The following ENOX1 variants were observed in gnomAD, a reference collection of about 807,000 sequenced individuals.
ENOX1 encodes the protein candidate growth-related and time keeping constitutive hydroquinone (NADH) oxidase.
In ENOX1, 42 loss-of-function variants were observed where a neutral mutation model predicts 82.5. The ratio of observed to expected loss-of-function variants is 0.51; its 90% CI spans 0.40 to 0.66. The LOEUF is 0.66. Among genes scored for constraint, ENOX1 ranks in the 30% least tolerant of loss-of-function variants. ENOX1 has a pLI of 0.00. For missense variants in ENOX1, 608 were observed against 811.6 expected (o/e 0.75, Z 3.05); for synonymous variants, 271 against 282.2 (o/e 0.96, Z 0.40).
chr13:43,375,460 C>A (rs535808334), intron 5 of ENOX1, among the ~76,000 whole-genome samples: 1 of 152,172 alleles, frequency 6.6e-6, no homozygotes, highest in Non-Finnish European at 1.5e-5. Flanking sequence ...GTATTAATTA[C>A]GTACAAGTTT....
At chr13:43,717,040 A>C (rs2088191494) in intron 1 of ENOX1, among the ~76,000 whole-genome samples, 1 of 152,200 alleles carries the variant, frequency 6.6e-6, no homozygotes, top group Admixed American at 6.5e-5. Context: ...AGAAAAATCT[A>C]TTCTAAAATT....
chr13:43,701,085 T>C (rs1333103725), intron 1 of ENOX1, among the ~76,000 whole-genome samples: 1 of 152,216 alleles, frequency 6.6e-6, no homozygotes, highest in Non-Finnish European at 1.5e-5. Context: ...TAGAGACCTT[T>C]AGAGGGTTCC....
intron 7 of ENOX1, among the ~76,000 whole-genome samples, chr13:43,358,911 G>C (rs1330158809): frequency 6.6e-6 from 1 of 152,128 alleles, no homozygotes; most frequent in Non-Finnish European, 1.5e-5. Context: ...TGAAATAAGG[G>C]GTTTTAAAGT....
chr13:43,358,544 T>C (rs566328604), intron 7 of ENOX1, among the ~76,000 whole-genome samples: 14 of 152,188 alleles, frequency 9.2e-5, no homozygotes, highest in South Asian at 2.1e-4. Flanking sequence ...GTCCCCAGGA[T>C]AGGGTTCTTG....
intron 8 of ENOX1, among the ~76,000 whole-genome samples, chr13:43,346,324 C>T (rs557639816): frequency 3.3e-5 from 5 of 152,138 alleles, no homozygotes; most frequent in African/African-American, 1.2e-4. Flanking sequence ...TAGGGATGTA[C>T]CCATGCTCAG....
chr13:43,532,345 A>G (rs1355159801), intron 2 of ENOX1, among the ~76,000 whole-genome samples: 1 of 152,072 alleles, frequency 6.6e-6, no homozygotes, highest in African/African-American at 2.4e-5. Flanking sequence ...TTACATTTTA[A>G]AATGTTCTTC....
intron 2 of ENOX1, among the ~76,000 whole-genome samples, chr13:43,553,359 G>A (rs558868067): frequency 7.2e-5 from 11 of 152,070 alleles, no homozygotes; most frequent in South Asian, 2.1e-4. Flanking sequence ...CAAAACAAAC[G>A]AGAAAAAAAA....
intron 2 of ENOX1, among the ~76,000 whole-genome samples, chr13:43,601,077 C>T (rs900480131): frequency 2.0e-5 from 3 of 151,974 alleles, no homozygotes; most frequent in African/African-American, 7.2e-5. Context: ...ACAAACAAGC[C>T]CAGACTATGA....
chr13:43,236,596 T>C (rs758215229), intron 15 of ENOX1, 40 bp downstream of exon 15: 4 of 1,256,826 alleles, frequency 3.2e-6, no homozygotes, highest in Non-Finnish European at 4.4e-6. Context: ...TACCTAATAA[T>C]TATTTAAGAG....
At chr13:43,398,323 C>T (rs2053276470) in intron 5 of ENOX1, among the ~76,000 whole-genome samples, 1 of 152,176 alleles carries the variant, frequency 6.6e-6, no homozygotes, top group Non-Finnish European at 1.5e-5. Flanking sequence ...AATGTAGCAT[C>T]AGACAAGCTT....
intron 3 of ENOX1, among the ~76,000 whole-genome samples, chr13:43,425,515 T>C (rs1283570443): frequency 6.6e-6 from 1 of 152,172 alleles, no homozygotes; most frequent in Non-Finnish European, 1.5e-5. Flanking sequence ...AATCCTTCCT[T>C]ACAAGGAGAT....
chr13:43,399,162 C>T (rs1262999059), intron 5 of ENOX1, among the ~76,000 whole-genome samples: 1 of 152,132 alleles, frequency 6.6e-6, no homozygotes, highest in African/African-American at 2.4e-5. Context: ...ATATAATACA[C>T]ATAAATATAA....
intron 2 of ENOX1, among the ~76,000 whole-genome samples, chr13:43,526,761 G>A (rs2078005859): frequency 1.3e-5 from 2 of 151,998 alleles, no homozygotes. Context: ...TATTTATTTT[G>A]AAGTAAATGG....
At chr13:43,531,078 CT>C (rs776749208) in intron 2 of ENOX1, among the ~76,000 whole-genome samples, 1 of 151,240 alleles carries the variant, frequency 6.6e-6, no homozygotes, top group Non-Finnish European at 1.5e-5. Flanking sequence ...TAATATAATA[CT>C]TTTTTTTACA....
At chr13:43,374,999 T>G (rs9525763) in intron 5 of ENOX1, among the ~76,000 whole-genome samples, 1 of 152,198 alleles carries the variant, frequency 6.6e-6, no homozygotes, top group Non-Finnish European at 1.5e-5. Flanking sequence ...AACCTGCCTA[T>G]TTACTTCACG....
Position 43,241,132 on chromosome 13 carries a change from A to G in ENOX1, c.1612-4394T>C, listed in dbSNP as rs180864454. Reference sequence around the variant, plus strand: ...GGAACACATAAGGACATTGAATCATAAATTACACATGGTTTTGCTCCTTTC... The same window carrying G: ...GGAACACATAAGGACATTGAATCATGAATTACACATGGTTTTGCTCCTTTC... On this transcript the variant is annotated intron_variant, in intron 14 of 16. Transcript: ENST00000690772. Among the ~76,000 whole-genome samples the G allele has an allele frequency of 1.8e-4, 27 of 152,358 alleles. 1 individual carries two copies. Among genetic ancestry groups the G allele is most frequent in the Admixed American group, 1.7e-3 (26 of 15,310 alleles).
intron 9 of ENOX1, among the ~76,000 whole-genome samples, chr13:43,327,046 G>A (rs1047678575): frequency 6.6e-6 from 1 of 152,100 alleles, no homozygotes; most frequent in African/African-American, 2.4e-5. Context: ...ATGAATAGCC[G>A]TGCCATGTCT....
At chr13:43,729,498 T>C (rs1374489352) in intron 1 of ENOX1, among the ~76,000 whole-genome samples, 7 of 150,148 alleles carry the variant, frequency 4.7e-5, no homozygotes, top group Non-Finnish European at 1.0e-4. Flanking sequence ...AAGAACTGAG[T>C]TTTTAATCTA....
chr13:43,237,523 G>A (rs2042607265), intron 14 of ENOX1, among the ~76,000 whole-genome samples: 1 of 152,152 alleles, frequency 6.6e-6, no homozygotes, highest in Non-Finnish European at 1.5e-5. Context: ...TCTTACTGGA[G>A]GAAAGTTGCT....
Sources: allele counts gnomAD v4.1 joint callset (sites outside exome capture counted in the v4.1 genomes callset), GRCh38; gene constraint gnomAD v4.1.1; transcripts MANE v1.5; gene names NCBI Gene and HGNC (gene_info 2026-07-23, HGNC 2026-07-21).